The following PCDH15 variants were observed in gnomAD, a reference collection of about 807,000 sequenced individuals.
The protein encoded by PCDH15 is protocadherin related 15.
A neutral mutation model predicts 178.5 loss-of-function variants in PCDH15; 129 were observed. That is an observed-to-expected ratio of 0.72 (90% CI 0.63 to 0.84). PCDH15 has a LOEUF of 0.84. Ranked by LOEUF, PCDH15 falls within the 40% of genes least tolerant of loss-of-function variation. The pLI is 0.00. For synonymous variants in PCDH15, 800 were observed against 732.0 expected (o/e 1.09, Z -1.50); for missense variants, 2,230 against 2,099.9 (o/e 1.06, Z -1.21).
chr10:55,180,581 G>T (rs1054877543), intron 1 of PCDH15, among the ~76,000 whole-genome samples: 1 of 152,010 alleles, frequency 6.6e-6, no homozygotes, highest in Non-Finnish European at 1.5e-5. Context: ...CCACAGAAAG[G>T]CATAGAGTGC....
intron 18 of PCDH15, among the ~76,000 whole-genome samples, chr10:54,047,193 A>G (rs2093673035): frequency 6.6e-6 from 1 of 152,148 alleles, no homozygotes; most frequent in Admixed American, 6.6e-5. Context: ...TTTCAAATAC[A>G]TGACCAAATA....
chr10:54,697,999 G>T (rs1212115793), intron 1 of PCDH15, among the ~76,000 whole-genome samples: 1 of 151,984 alleles, frequency 6.6e-6, no homozygotes, highest in Non-Finnish European at 1.5e-5. Context: ...CATCCTGAGA[G>T]TGAGCTTTAA....
chr10:54,961,029 A>T (rs1838632296), intron 2 of PCDH15, among the ~76,000 whole-genome samples: 2 of 152,260 alleles, frequency 1.3e-5, no homozygotes, highest in Non-Finnish European at 2.9e-5. Context: ...AATAAGAAAG[A>T]ATTTAATAAA....
chr10:54,346,232 G>A, intron 6 of PCDH15, 133 bp downstream of exon 6: 1 of 848,668 alleles, frequency 1.2e-6, no homozygotes. Flanking sequence ...TCAATTTTGA[G>A]ACATTTTTAA....
chr10:55,572,050 C>A (rs999665560), intron 2 of PCDH15, among the ~76,000 whole-genome samples: 1 of 151,896 alleles, frequency 6.6e-6, no homozygotes, highest in African/African-American at 2.4e-5. Flanking sequence ...GTAAAATATT[C>A]CCAAGGAATG....
At chr10:55,069,032 G>C (rs1357209604) in intron 2 of PCDH15, among the ~76,000 whole-genome samples, 1 of 151,128 alleles carries the variant, frequency 6.6e-6, no homozygotes, top group African/African-American at 2.4e-5. Context: ...GAAGTAGCTG[G>C]GATTACAGGT....
rs80254289 is a variant in PCDH15, at chr10:54,603,373, A to C, written c.91+60799T>G. Among the ~76,000 whole-genome samples, 948 of 151,646 alleles carry C rather than the reference A, an allele frequency of 6.3e-3. 25 individuals carry two copies. In the East Asian group the frequency reaches 0.087, roughly 14 times the overall value. ...TGAAATAGCTTTTTTGTCCTTTTTA[A>C]AATTTATTTTTTGCCTTAATTAGCA... On this transcript the variant is annotated intron_variant, in intron 2 of 37. Coordinates refer to ENST00000644397, the MANE Select transcript of PCDH15 (RefSeq NM_001384140.1).
At chr10:54,315,407 T>TAGA (rs2133597144) in intron 8 of PCDH15, among the ~76,000 whole-genome samples, 1 of 152,284 alleles carries the variant, frequency 6.6e-6, no homozygotes, top group South Asian at 2.1e-4. Context: ...AATTTTAAAT[T>TAGA]CCTCATAGAT....
At chr10:53,949,727 A>G (rs1182835104) in intron 23 of PCDH15, among the ~76,000 whole-genome samples, 2 of 148,980 alleles carry the variant, frequency 1.3e-5, no homozygotes, top group East Asian at 4.0e-4. Flanking sequence ...TTGTCTCTAA[A>G]AAGAAAAAAA....
At chr10:55,164,973 CTATT>C (rs1839159763) in intron 2 of PCDH15, among the ~76,000 whole-genome samples, 1 of 152,064 alleles carries the variant, frequency 6.6e-6, no homozygotes, top group African/African-American at 2.4e-5. Flanking sequence ...CTATAATTAT[CTATT>C]TATCTATCCG....
intron 2 of PCDH15, among the ~76,000 whole-genome samples, chr10:54,591,159 T>C (rs772665190): frequency 1.3e-5 from 2 of 152,168 alleles, no homozygotes; most frequent in Non-Finnish European, 2.9e-5. Flanking sequence ...TGCCCTGTTA[T>C]ATGTCCATTA....
chr10:54,642,270 C>A (rs1165229805), intron 2 of PCDH15, among the ~76,000 whole-genome samples: 2 of 152,132 alleles, frequency 1.3e-5, no homozygotes. Flanking sequence ...GCACCTCGAA[C>A]TTAGATTTAC....
chr10:53,913,784 G>C (rs1333877387), intron 25 of PCDH15, among the ~76,000 whole-genome samples: 2 of 151,828 alleles, frequency 1.3e-5, no homozygotes, highest in Non-Finnish European at 1.5e-5. Flanking sequence ...AAAACAAAGA[G>C]CTTCTGCACA....
intron 2 of PCDH15, among the ~76,000 whole-genome samples, chr10:55,140,942 T>A (rs945593897): frequency 2.6e-5 from 4 of 152,038 alleles, no homozygotes; most frequent in Admixed American, 6.6e-5. Flanking sequence ...ATATACTCTT[T>A]TTCATTCCTG....
chr10:54,536,171 G>C (rs567989078), intron 2 of PCDH15, among the ~76,000 whole-genome samples: 2 of 152,260 alleles, frequency 1.3e-5, no homozygotes, highest in East Asian at 3.9e-4. Context: ...TTAAATACTA[G>C]TCACATTTAA....
At chr10:55,322,120 T>C (rs1565007255), upstream of PCDH15, among the ~76,000 whole-genome samples, 15 of 152,158 alleles carry the variant, frequency 9.9e-5, no homozygotes. Flanking sequence ...GGGAGGGGTA[T>C]CCCCCACACT....
chr10:54,111,980 A>C (rs962768076), intron 15 of PCDH15, among the ~76,000 whole-genome samples: 2 of 129,524 alleles, frequency 1.5e-5, no homozygotes, highest in Admixed American at 7.7e-5. Context: ...TACAAAAAAA[A>C]AAAAAAACAA....
intron 13 of PCDH15, among the ~76,000 whole-genome samples, chr10:54,163,544 T>A (rs2045923834): frequency 6.6e-6 from 1 of 151,964 alleles, no homozygotes; most frequent in South Asian, 2.1e-4. Flanking sequence ...AGGCCCCTAC[T>A]CCAATACTAA....
intron 1 of PCDH15, among the ~76,000 whole-genome samples, chr10:55,175,622 C>T (rs1163293299): frequency 1.2e-4 from 16 of 138,508 alleles, no homozygotes; most frequent in Admixed American, 8.5e-4. Context: ...GCCAAGATTG[C>T]GCCACTGCAC....
Sources: allele counts gnomAD v4.1 joint callset (sites outside exome capture counted in the v4.1 genomes callset), GRCh38; gene constraint gnomAD v4.1.1; transcripts MANE v1.5; gene names NCBI Gene and HGNC (gene_info 2026-07-23, HGNC 2026-07-21).